QTGAL: variants seen among roughly 807,000 people sequenced by gnomAD.
The protein encoded by QTGAL is queuosine-tRNA galactosyltransferase.
chr17:82,958,170 G>A, the QTGAL span, among the ~76,000 whole-genome samples: 1 of 152,184 alleles, frequency 6.6e-6, no homozygotes, highest in African/African-American at 2.4e-5. Flanking sequence ...TGCCCGGGCT[G>A]AGCCCGTCTC....
At chr17:82,970,604 G>GACGTGACCT in the QTGAL span, among the ~76,000 whole-genome samples, 186 of 143,406 alleles carry the variant, frequency 1.3e-3, 29 homozygotes, top group South Asian at 9.8e-3. Flanking sequence ...ACCCGGCGTG[G>GACGTGACCT]CCGCGACCTC....
chr17:83,020,543 G>A, the QTGAL span, among the ~76,000 whole-genome samples: 1 of 152,250 alleles, frequency 6.6e-6, no homozygotes, highest in Admixed American at 6.5e-5. Flanking sequence ...GTCTGGAGCG[G>A]AGAAGCCCAG....
At chr17:83,038,648 G>A in the QTGAL span, among the ~76,000 whole-genome samples, 38 of 152,168 alleles carry the variant, frequency 2.5e-4, no homozygotes, top group Non-Finnish European at 4.4e-4. Context: ...CAGGAGGTCA[G>A]GAGATCGAGA....
the QTGAL span, chr17:82,981,311 G>A: frequency 6.6e-6 from 1 of 152,264 alleles, no homozygotes; most frequent in East Asian, 1.9e-4. Context: ...AAACAAAAGT[G>A]GCTCAGAGGA....
chr17:83,039,186 C>T, the QTGAL span, among the ~76,000 whole-genome samples: 1 of 152,098 alleles, frequency 6.6e-6, no homozygotes, highest in Admixed American at 6.5e-5. Context: ...GTTTATGCCC[C>T]TGGCTTTTTG....
chr17:83,006,801 T>A, the QTGAL span: 2 of 985,344 alleles, frequency 2.0e-6, no homozygotes, highest in African/African-American at 3.5e-5. The surrounding 1 kb of genome is among the most constrained non-coding windows in gnomAD (Gnocchi z 5.8). Flanking sequence ...AACATTCAAG[T>A]TCAGGTTTGT....
At chr17:82,947,178 C>T in the QTGAL span, 1 of 527,768 alleles carries the variant, frequency 1.9e-6, no homozygotes, top group Non-Finnish European at 3.4e-6. Context: ...GTACCACAGG[C>T]CCTGTTGGTC....
At chr17:83,051,472 C>T in the QTGAL span, among the ~76,000 whole-genome samples, 1 of 152,126 alleles carries the variant, frequency 6.6e-6, no homozygotes, top group Admixed American at 6.5e-5. Context: ...GGTGAGGAGG[C>T]CACGCTCGCG....
the QTGAL span, among the ~76,000 whole-genome samples, chr17:82,995,350 A>G: frequency 6.6e-6 from 1 of 152,186 alleles, no homozygotes. Flanking sequence ...TCAGGATACA[A>G]AATCAACATA....
chr17:83,011,587 A>G, the QTGAL span: 2 of 152,214 alleles, frequency 1.3e-5, no homozygotes, highest in African/African-American at 4.8e-5. Context: ...ACTTTGTTTT[A>G]GTGAAACAAA....
the QTGAL span, chr17:82,956,621 C>T: frequency 6.9e-7 from 1 of 1,439,782 alleles, no homozygotes. The surrounding 1 kb of genome is among the most constrained non-coding windows in gnomAD (Gnocchi z 5.7). Flanking sequence ...AGTCATTGCA[C>T]AGCAGGGCGG....
chr17:83,037,173 A>G, the QTGAL span, among the ~76,000 whole-genome samples: 1 of 152,226 alleles, frequency 6.6e-6, no homozygotes, highest in Non-Finnish European at 1.5e-5. This position sits in a 1 kb window ranked among gnomAD's most constrained non-coding sequence, Gnocchi z 5.2. Flanking sequence ...TTGGAGGGAC[A>G]GTGGCCAAGT....
the QTGAL span, among the ~76,000 whole-genome samples, chr17:83,019,777 A>C: frequency 1.2e-4 from 18 of 151,580 alleles, no homozygotes; most frequent in Non-Finnish European, 2.4e-4. Flanking sequence ...CTTCTTGCCC[A>C]GGCTGGAGTG....
At chr17:83,032,333 C>T in the QTGAL span, among the ~76,000 whole-genome samples, 16 of 133,614 alleles carry the variant, frequency 1.2e-4, no homozygotes, top group African/African-American at 4.5e-4. Flanking sequence ...GCAGACCGAA[C>T]TCGGGAGCTG....
chr17:82,968,827 C>A, the QTGAL span, among the ~76,000 whole-genome samples: 1 of 152,046 alleles, frequency 6.6e-6, no homozygotes, highest in Non-Finnish European at 1.5e-5. Context: ...TGGAGAAACC[C>A]CGTCTTTACT....
At chr17:83,033,330 A>G in the QTGAL span, among the ~76,000 whole-genome samples, 1 of 152,122 alleles carries the variant, frequency 6.6e-6, no homozygotes, top group East Asian at 1.9e-4. Flanking sequence ...AACAACCTGA[A>G]GCTTCTTTGT....
chr17:83,048,226 C>G, the QTGAL span, among the ~76,000 whole-genome samples: 1 of 152,160 alleles, frequency 6.6e-6, no homozygotes, highest in Admixed American at 6.5e-5. Flanking sequence ...TGGGGTTTCA[C>G]CATGTTGGCC....
the QTGAL span, among the ~76,000 whole-genome samples, chr17:82,953,081 T>C: frequency 2.0e-5 from 3 of 151,892 alleles, no homozygotes; most frequent in Non-Finnish European, 4.4e-5. Context: ...AATGCCCACA[T>C]CAGAAAGCAG....
chr17:82,965,089 G>C, the QTGAL span, among the ~76,000 whole-genome samples: 1 of 141,696 alleles, frequency 7.1e-6, no homozygotes, highest in Non-Finnish European at 1.5e-5. Flanking sequence ...GGGAGGACGG[G>C]GACACGGATG....
Sources: allele counts gnomAD v4.1 joint callset (sites outside exome capture counted in the v4.1 genomes callset), GRCh38; gene constraint gnomAD v4.1.1; non-coding constraint Gnocchi (gnomAD v3.1); transcripts MANE v1.5; gene names NCBI Gene and HGNC (gene_info 2026-07-23, HGNC 2026-07-21).